Variants in MCOLN1 observed in about 807,000 individuals in gnomAD.
The protein encoded by MCOLN1 is mucolipin-1.
MCOLN1 carries 50 observed loss-of-function variants against 70.3 expected under a neutral mutation model. The observed-to-expected ratio is 0.71, with a 90% CI of 0.57 to 0.90. The LOEUF (loss-of-function observed/expected upper bound fraction) is 0.90, where lower values mean the gene tolerates loss of function less well. Among genes scored for constraint, MCOLN1 ranks in the 40% least tolerant of loss-of-function variants. The pLI is 0.00. For missense variants in MCOLN1, 598 were observed against 803.5 expected (o/e 0.74, Z 3.09); for synonymous variants, 366 against 341.0 (o/e 1.07, Z -0.81).
In MCOLN1 at chr19:7,525,741, C is replaced by T. The variant is rs1167774271; in HGVS notation, c.237+575C>T. Reference sequence around the variant, plus strand: ...ATGTTTTGGGCTGACTTTAGCATGTCACCATGCCTCTAATTTTCCCTCTGA... The same window carrying T: ...ATGTTTTGGGCTGACTTTAGCATGTTACCATGCCTCTAATTTTCCCTCTGA... On this transcript the variant is annotated intron_variant, in intron 2 of 13. Coordinates refer to ENST00000264079, the MANE Select transcript of MCOLN1 (RefSeq NM_020533.3). The surrounding 1 kb of genome is among the most constrained non-coding windows in gnomAD (Gnocchi z 4.2). The T allele has an allele frequency of 2.9e-5, 5 of 171,582 alleles. No individual in the cohort carries two copies. The East Asian group carries it at 8.0e-4, about 28-fold the overall frequency. 10.6% of individuals were successfully genotyped at this position (171,582 alleles called of 1,614,324 possible). A position where few individuals can be genotyped will look rare whatever the true frequency, so the allele number is the denominator to read the frequency against.
rs1364950724 is a variant in MCOLN1, at chr19:7,528,482, GACCAACC to G, written c.878-113_878-107del. On this transcript the variant is annotated intron_variant, in intron 7 of 13. Transcript: ENST00000264079. This position sits in a 1 kb window ranked among gnomAD's most constrained non-coding sequence, Gnocchi z 4.2. Reference sequence around the variant, plus strand: ...ACCCCAAGCAAGCCCTGAGCCCACTGACCAACCAAAACCAGCCGTGCAGCCCCCTAGG... The same window carrying G: ...ACCCCAAGCAAGCCCTGAGCCCACTGAAAACCAGCCGTGCAGCCCCCTAGG... 7 of 1,403,920 alleles carry G rather than the reference GACCAACC, an allele frequency of 5.0e-6. No homozygotes were observed. The African/African-American group carries it at 7.1e-5, about 14-fold the overall frequency. The allele number at this position is 1,403,920 out of a possible 1,614,324, so 87.0% of individuals were successfully genotyped here.
chr19:7,527,126 G>A (rs1397800650), intron 4 of MCOLN1, 200 bp downstream of exon 4: 1 of 688,458 alleles, frequency 1.5e-6, no homozygotes, highest in African/African-American at 1.8e-5. Context: ...AAACAAATTA[G>A]CTGGGCGTGG....
rs184313780 is a variant in MCOLN1, at chr19:7,525,962, T to C, written c.238-477T>C. The stretch of plus-strand genomic sequence containing the variant: ...CCTGTAACTCAGCTACTCAGGAGGC[T>C]GAGACAGGAGAATTGCTTGAACCCA... On this transcript the variant is annotated intron_variant, in intron 2 of 13. Coordinates refer to ENST00000264079, the MANE Select transcript of MCOLN1 (RefSeq NM_020533.3). This position sits in a 1 kb window ranked among gnomAD's most constrained non-coding sequence, Gnocchi z 4.2. 2.0e-3 allele frequency: 402 copies of C among 205,576 alleles called. 1 individual carries two copies. The highest frequency in any genetic ancestry group is 2.7e-3 in the Non-Finnish European group (266 of 99,272). The allele number at this position is 205,576 out of a possible 1,614,324, so 12.7% of individuals were successfully genotyped here.
chr19:7,527,626 C>T lies in MCOLN1; in HGVS notation c.678C>T (p.His226=), dbSNP rs2146023608. 3.1e-6 allele frequency: 5 copies of T among 1,603,076 alleles called. No homozygotes were observed. The Middle Eastern group carries it at 6.6e-4, about 212-fold the overall frequency. ...ACAAGAACCTCACGCTCAAATTCCA[C>T]AAGTACTGCCTGCTCACTCGAGGGG... is the stretch of plus-strand genomic sequence containing the variant. ...SSYKNLTLKF[H]KLVNVTIHFR... is the part of the protein sequence containing the mutation. The change falls in exon 5 of 14, where the codon CAC becomes CAT. Residue 226 remains histidine (H), a splice_region_variant and synonymous_variant. Coordinates refer to ENST00000264079, the MANE Select transcript of MCOLN1 (RefSeq NM_020533.3).
chr19:7,524,975 C>G lies in MCOLN1; in HGVS notation c.46C>G (p.Leu16Val). Reference sequence around the variant, plus strand: ...TATTCCCACAGAGACCGAGCGGCTTCTGACCCCCAACCCCGGGTATGGGAC... The same window carrying G: ...TATTCCCACAGAGACCGAGCGGCTTGTGACCCCCAACCCCGGGTATGGGAC... The part of the protein sequence containing the change: ...GPRGSETERL[L>V]TPNPGYGTQA... The change falls in exon 2 of 14, where the codon CTG (leucine) becomes GTG (valine). Residue 16 changes from leucine to valine, a missense_variant. Around this residue, in one of 3 missense-constraint regions of MCOLN1, gnomAD observed 461 missense variants for 588.4 expected, o/e 0.78. Transcript: ENST00000264079. The surrounding 1 kb of genome is among the most constrained non-coding windows in gnomAD (Gnocchi z 4.1). The G allele has an allele frequency of 5.6e-6, 9 of 1,613,772 alleles. No individual in the cohort carries two copies. Among genetic ancestry groups the G allele is most frequent in the Non-Finnish European group, 7.6e-6 (9 of 1,179,966 alleles).
rs186365991 is a variant in MCOLN1, at chr19:7,526,199, C to T, written c.238-240C>T. 181 of 593,022 alleles carry T rather than the reference C, an allele frequency of 3.1e-4. 2 individuals carry two copies. Among genetic ancestry groups the T allele is most frequent in the Middle Eastern group, 8.6e-4 (2 of 2,314 alleles). The allele number at this position is 593,022 out of a possible 1,614,324, so 36.7% of individuals were successfully genotyped here. A position where few individuals can be genotyped will look rare whatever the true frequency, so the allele number is the denominator to read the frequency against. ...AGATGAGTCCCCACCCTGTGTTGTA[C>T]GGGGGAGGACACAGTGGTGGGCGTG... On this transcript the variant is annotated intron_variant, in intron 2 of 13. Transcript: ENST00000264079. The surrounding 1 kb of genome is among the most constrained non-coding windows in gnomAD (Gnocchi z 4.6).
rs763156656 is a variant in MCOLN1, at chr19:7,526,949, C to T, written c.571+23C>T. ...CTGGTGAGTGGGCAGGACGAGGCTT[C>T]ACTGTTGGGAGCCTGAGCTGCTGGG... is the stretch of plus-strand genomic sequence containing the variant. On this transcript the variant is annotated intron_variant, in intron 4 of 13. Transcript: ENST00000264079. The surrounding 1 kb of genome is among the most constrained non-coding windows in gnomAD (Gnocchi z 4.6). 1 of 1,613,948 alleles carries T rather than the reference C, an allele frequency of 6.2e-7. No individual in the cohort carries two copies. The highest frequency in any genetic ancestry group is 1.1e-5 in the South Asian group (1 of 91,064).
chr19:7,525,048 A>G lies in MCOLN1; in HGVS notation c.119A>G (p.Asp40Gly), dbSNP rs550958069. ...PAPPTPPEEEDLRRRLKYFFM... is the reference protein window; with the variant it reads ...PAPPTPPEEEGLRRRLKYFFM... The stretch of plus-strand genomic sequence containing the variant: ...CCTCCGACACCCCCAGAAGAGGAAG[A>G]CCTTCGCCGTCGTCTCAAATACTTT... The change falls in exon 2 of 14, where the codon GAC becomes GGC. Residue 40 changes from aspartate to glycine, a missense_variant. Asp to Gly is a moderately conservative substitution (Grantham distance 94, BLOSUM62 -1). Coordinates refer to ENST00000264079, the MANE Select transcript of MCOLN1 (RefSeq NM_020533.3). This position sits in a 1 kb window ranked among gnomAD's most constrained non-coding sequence, Gnocchi z 4.2. 2 of 1,614,016 alleles carry G rather than the reference A, an allele frequency of 1.2e-6. No homozygotes were observed. The highest frequency in any genetic ancestry group is 2.7e-5 in the African/African-American group (2 of 75,028).
Position 7,529,791 on chromosome 19 carries a change from G to C in MCOLN1, c.1359+79G>C, listed in dbSNP as rs369743464. 115 of 1,565,442 alleles carry C rather than the reference G, an allele frequency of 7.3e-5. 2 individuals are homozygous for C. The East Asian group carries it at 2.1e-3, about 29-fold the overall frequency. ...ACTGTGACCCCCAGATGACCCCTTGGTGACTGCTGGGAGTCTGTCCACTGT... is the reference window on the plus strand; with the variant it reads ...ACTGTGACCCCCAGATGACCCCTTGCTGACTGCTGGGAGTCTGTCCACTGT... On this transcript the variant is annotated intron_variant, in intron 11 of 13. Coordinates refer to ENST00000264079, the MANE Select transcript of MCOLN1 (RefSeq NM_020533.3).
chr19:7,529,445 G>T (rs1381590206), intron 10 of MCOLN1, 145 bp from the exon 11 acceptor site: 1 of 1,103,256 alleles, frequency 9.1e-7, no homozygotes, highest in Non-Finnish European at 1.3e-6. Flanking sequence ...ACGTGGCCAC[G>T]CCCCCTCTAG....
intron 11 of MCOLN1, 120 bp from the exon 12 acceptor site, chr19:7,530,166 C>CCCGGGACCCGGGACCCGGGGCCCA: frequency 4.9e-6 from 2 of 408,030 alleles, no homozygotes; most frequent in Non-Finnish European, 8.9e-6. Flanking sequence ...CGGGACCCGG[C>CCCGGGACCCGGGACCCGGGGCCCA]CATTCATGTG....
In MCOLN1 at chr19:7,533,507, C is replaced by T. The variant is rs937821234; in HGVS notation, c.1576-16C>T. 1.2e-6 allele frequency: 2 copies of T among 1,610,226 alleles called. No homozygotes were observed. The highest frequency in any genetic ancestry group is 1.1e-5 in the South Asian group (1 of 90,942). On this transcript the variant is annotated splice_polypyrimidine_tract_variant and intron_variant, in intron 12 of 13. Coordinates refer to ENST00000264079, the MANE Select transcript of MCOLN1 (RefSeq NM_020533.3). ...GGAGCCACTTTCAGGCTGAGCCTCC[C>T]GGCTTCTCTCCCCAGCATCCCGGCG... is the stretch of plus-strand genomic sequence containing the variant.
Position 7,529,045 on chromosome 19 carries a change from C to G in MCOLN1, c.1135-56C>G, listed in dbSNP as rs1306946751. 47 of 1,613,198 alleles carry G rather than the reference C, an allele frequency of 2.9e-5. 1 individual carries two copies. The highest frequency in any genetic ancestry group is 8.5e-6 in the Non-Finnish European group (10 of 1,179,544). On this transcript the variant is annotated intron_variant, in intron 9 of 13. Coordinates refer to ENST00000264079, the MANE Select transcript of MCOLN1 (RefSeq NM_020533.3). ...GCCTATCCGGGGCCATATCCTCCCC[C>G]AGGCCCCCCAAAGGAAGGGCTGGGC...
At position 7,526,232 on chromosome 19, in the gene MCOLN1, G is replaced by A; in HGVS notation, c.238-207G>A. 1.5e-6 allele frequency: 1 copy of A among 646,746 alleles called. No homozygotes were observed. The highest frequency in any genetic ancestry group is 2.8e-6 in the Non-Finnish European group (1 of 360,884). The allele number at this position is 646,746 out of a possible 1,614,324, so 40.1% of individuals were successfully genotyped here. On this transcript the variant is annotated intron_variant, in intron 2 of 13. Transcript: ENST00000264079. The surrounding 1 kb of genome is among the most constrained non-coding windows in gnomAD (Gnocchi z 4.6). The stretch of plus-strand genomic sequence containing the variant: ...GACACAGTGGTGGGCGTGGCATGGA[G>A]CTTATGCCAGGAGGTGGGGTGAAAT...
At chr19:7,527,399 C>T (rs1000914166) in intron 4 of MCOLN1, 121 bp from the exon 5 acceptor site, 3 of 738,588 alleles carry the variant, frequency 4.1e-6, no homozygotes, top group Non-Finnish European at 7.5e-6. Context: ...CAGAGAGTGC[C>T]AGGCCTGTAG....
In MCOLN1 at chr19:7,530,405, C is replaced by T. The variant is rs2022639254; in HGVS notation, c.1479C>T (p.Phe493=). 1.9e-6 allele frequency: 3 copies of T among 1,613,758 alleles called. 1 individual carries two copies. In the Admixed American group the frequency reaches 5.0e-5, roughly 27 times the overall value. The change falls in exon 12 of 14, where the codon TTC becomes TTT. Residue 493 remains phenylalanine, a synonymous_variant. Transcript: ENST00000264079. ...GCCGCAGCAGCCTGGTGTGGCTCTT[C>T]TCCCAGCTCTACCTTTACTCCTTCA... The part of the protein sequence containing the change: ...QQGRSSLVWL[F]SQLYLYSFIS...
At position 7,533,540 on chromosome 19, in the gene MCOLN1, C is replaced by G; in HGVS notation, c.1593C>G (p.Gly531=). ...CTCCCCAGCATCCCGGCGGCGCAGGCGCAGAGGAGAGCGAGCTGCAGGCCT... is the reference window on the plus strand; with the variant it reads ...CTCCCCAGCATCCCGGCGGCGCAGGGGCAGAGGAGAGCGAGCTGCAGGCCT... ...YDTIKHPGGA[G]AEESELQAYI... The change falls in exon 13 of 14, where the codon GGC becomes GGG. Residue 531 remains glycine, a synonymous_variant. Coordinates refer to ENST00000264079, the MANE Select transcript of MCOLN1 (RefSeq NM_020533.3). 1 of 1,611,376 alleles carries G rather than the reference C, an allele frequency of 6.2e-7. No individual in the cohort carries two copies. Among genetic ancestry groups the G allele is most frequent in the Non-Finnish European group, 8.5e-7 (1 of 1,179,850 alleles).
At chr19:7,529,534 C>A in intron 10 of MCOLN1, 56 bp from the exon 11 acceptor site, 2 of 1,585,098 alleles carry the variant, frequency 1.3e-6, no homozygotes, top group Non-Finnish European at 1.7e-6. Context: ...TGGGTGCCCA[C>A]AGCTGACCTG....
intron 1 of MCOLN1, 92 bp downstream of exon 1, chr19:7,522,873 T>C (rs1462075493): frequency 8.6e-7 from 1 of 1,158,926 alleles, no homozygotes; most frequent in Non-Finnish European, 1.1e-6. Context: ...TCTCTTTTTT[T>C]CTAAGCTCCA....
Sources: allele counts gnomAD v4.1 joint callset, GRCh38; gene constraint gnomAD v4.1.1; regional missense constraint gnomAD v4.1.1; non-coding constraint Gnocchi (gnomAD v3.1); transcripts MANE v1.5; gene names NCBI Gene and HGNC (gene_info 2026-07-23, HGNC 2026-07-21).